The following NRDC variants were observed in gnomAD, a reference collection of about 807,000 sequenced individuals.
The protein encoded by NRDC is nardilysin convertase.
A neutral mutation model predicts 147.1 loss-of-function variants in NRDC; 54 were observed. That is an observed-to-expected ratio of 0.37 (90% CI 0.29 to 0.46). The LOEUF (loss-of-function observed/expected upper bound fraction) is 0.46. Among genes scored for constraint, NRDC ranks in the 20% least tolerant of loss-of-function variants. The probability of loss-of-function intolerance (pLI) is 1.00; values close to 1 mark genes in which losing one functional copy is unlikely to be tolerated. For missense variants in NRDC, 1,082 were observed against 1,370.6 expected, an observed-to-expected ratio of 0.79 and a Z score of 3.33; for synonymous variants, 440 against 482.1, an observed-to-expected ratio of 0.91 and a Z score of 1.14.
intron 13 of NRDC, chr1:51,814,311 T>G (rs747920543): frequency 1.8e-6 from 1 of 567,194 alleles, no homozygotes; most frequent in Non-Finnish European, 3.1e-6. Context: ...TTTAAAAAAT[T>G]CTCAATAGAA....
At chr1:51,791,878 C>T (rs1011016034) in intron 26 of NRDC, among the ~76,000 whole-genome samples, 168 bp downstream of exon 26, 3 of 152,108 alleles carry the variant, frequency 2.0e-5, no homozygotes, top group Non-Finnish European at 2.9e-5. Flanking sequence ...AAACTGAAAA[C>T]CTGATTACAG....
At chr1:51,846,374 A>G (rs1681586896) in intron 1 of NRDC, among the ~76,000 whole-genome samples, 1 of 152,218 alleles carries the variant, frequency 6.6e-6, no homozygotes. Context: ...TCGGTCTCCC[A>G]AAGTGCAGGA....
chr1:51,814,820 G>T lies in NRDC; in HGVS notation c.1440-7C>A. 6.4e-7 allele frequency: 1 copy of T among 1,567,296 alleles called. No individual in the cohort carries two copies. Among genetic ancestry groups the T allele is most frequent in the Non-Finnish European group, 8.6e-7 (1 of 1,162,322 alleles). On this transcript the variant is annotated splice_polypyrimidine_tract_variant and splice_region_variant and intron_variant, in intron 11 of 30. Coordinates refer to ENST00000352171, the MANE Select transcript of NRDC (RefSeq NM_001101662.2). ...CAGTGCAAGAGCCCAGCATCTACAG[G>T]TGGGGAAAAAATTAACCCAATCAAT... is the stretch of plus-strand genomic sequence containing the variant.
intron 20 of NRDC, among the ~76,000 whole-genome samples, chr1:51,802,918 C>G (rs1327900010): frequency 1.3e-5 from 2 of 152,062 alleles, no homozygotes; most frequent in East Asian, 3.8e-4. Flanking sequence ...TATTGCTTTA[C>G]CTGGTATTCA....
At chr1:51,877,793 T>C (rs910232166) in intron 1 of NRDC, among the ~76,000 whole-genome samples, 1 of 152,196 alleles carries the variant, frequency 6.6e-6, no homozygotes, top group African/African-American at 2.4e-5. Flanking sequence ...AGGCCAAATA[T>C]GATGCAAAGT....
At chr1:51,838,810 C>G (rs1681109813) in intron 2 of NRDC, among the ~76,000 whole-genome samples, 1 of 151,976 alleles carries the variant, frequency 6.6e-6, no homozygotes, top group African/African-American at 2.4e-5. Context: ...AAAAGTGAAT[C>G]TATTAATTTC....
chr1:51,791,660 A>G lies in NRDC; in HGVS notation c.2878T>C (p.Tyr960His). ...DFLRTKQTLG[Y>H]HVYPTCRNTS... ...TTCCTACAGGTAGGGTAGACATGGTACCTACAAGCCAGAGAGAAAAGTTAT... is the reference window on the plus strand; with the variant it reads ...TTCCTACAGGTAGGGTAGACATGGTGCCTACAAGCCAGAGAGAAAAGTTAT... Residue 960 changes from tyrosine to histidine, a missense_variant and splice_region_variant, in exon 27 of 31, where the codon TAC becomes CAC. Coordinates refer to ENST00000352171, the MANE Select transcript of NRDC (RefSeq NM_001101662.2). 1 of 1,612,684 alleles carries G rather than the reference A, an allele frequency of 6.2e-7. No homozygotes were observed. The highest frequency in any genetic ancestry group is 8.5e-7 in the Non-Finnish European group (1 of 1,178,698).
intron 22 of NRDC, among the ~76,000 whole-genome samples, chr1:51,797,734 A>G (rs960861807): frequency 6.6e-6 from 1 of 152,124 alleles, no homozygotes; most frequent in Non-Finnish European, 1.5e-5. Context: ...TCAAAATCCT[A>G]GTCTATTACC....
intron 9 of NRDC, among the ~76,000 whole-genome samples, chr1:51,819,298 C>CAA (rs200262192): frequency 4.1e-5 from 4 of 98,018 alleles, no homozygotes; most frequent in African/African-American, 7.7e-5. Context: ...ACTCTGTCTC[C>CAA]AAAAAAAAAA....
rs576266005 is a variant in NRDC at position 51,816,007 on chromosome 1, A to ATAT, written c.1439+304_1439+305insATA. 3.1e-4 allele frequency: 51 copies of ATAT among 162,056 alleles called. No individual in the cohort carries two copies. In the South Asian group the frequency reaches 0.01, roughly 32 times the overall value. 10.0% of individuals were successfully genotyped at this position (162,056 alleles called of 1,614,324 possible). ...TGATTTCTTTACCATTCAGTCAAAT[A>ATAT]TAAATTCTTGATTAGAGCTAATTCT... On this transcript the variant is annotated intron_variant, in intron 11 of 30. Coordinates refer to ENST00000352171, the MANE Select transcript of NRDC (RefSeq NM_001101662.2).
Position 51,878,306 on chromosome 1 carries a change from C to G in NRDC, c.310G>C (p.Val104Leu), listed in dbSNP as rs149170952. The G allele has an allele frequency of 6.2e-7, 1 of 1,613,750 alleles. No homozygotes were observed. The highest frequency in any genetic ancestry group is 1.3e-5 in the African/African-American group (1 of 75,018). The change falls in exon 1 of 31, where the codon GTC (valine) becomes CTC (leucine). Residue 104 changes from valine (V) to leucine (L), a missense_variant. Coordinates refer to ENST00000352171, the MANE Select transcript of NRDC (RefSeq NM_001101662.2). ...SLSNAGDPEI[V>L]KSPSDPKQYR... ...TGCTTGGGGTCGCTGGGAGACTTGA[C>G]GATCTCAGGGTCCCCAGCATTACTG... is the stretch of plus-strand genomic sequence containing the variant.
intron 1 of NRDC, among the ~76,000 whole-genome samples, chr1:51,853,087 G>T (rs1682057534): frequency 6.6e-6 from 1 of 151,946 alleles, no homozygotes; most frequent in African/African-American, 2.4e-5. Context: ...AGCCAGATGT[G>T]GTGGCGTGTG....
intron 5 of NRDC, among the ~76,000 whole-genome samples, chr1:51,825,785 T>C (rs1680416121): frequency 6.6e-6 from 1 of 152,250 alleles, no homozygotes; most frequent in Non-Finnish European, 1.5e-5. Context: ...TAAAGTATGA[T>C]GGCTAAGAAC....
At chr1:51,790,227 A>G (rs933002748) in intron 29 of NRDC, among the ~76,000 whole-genome samples, 2 of 152,230 alleles carry the variant, frequency 1.3e-5, no homozygotes, top group Non-Finnish European at 2.9e-5. Flanking sequence ...AAGAGTCCTC[A>G]ATTTTCTTTA....
chr1:51,850,971 C>T (rs1401160111), intron 1 of NRDC, among the ~76,000 whole-genome samples: 1 of 152,092 alleles, frequency 6.6e-6, no homozygotes, highest in East Asian at 1.9e-4. Context: ...CTCTAAACAC[C>T]GGCAACCAAA....
intron 13 of NRDC, chr1:51,814,321 A>C: frequency 1.7e-6 from 1 of 578,282 alleles, no homozygotes; most frequent in African/African-American, 1.9e-5. Flanking sequence ...TCTCAATAGA[A>C]GCATCAACAA....
intron 1 of NRDC, among the ~76,000 whole-genome samples, chr1:51,851,280 T>A (rs1346499727): frequency 6.6e-6 from 1 of 152,084 alleles, no homozygotes; most frequent in Non-Finnish European, 1.5e-5. Flanking sequence ...CTCTACTTCA[T>A]CAGAATGCAC....
chr1:51,865,310 G>T (rs1043382645), intron 1 of NRDC, among the ~76,000 whole-genome samples: 34 of 143,106 alleles, frequency 2.4e-4, no homozygotes, highest in Admixed American at 4.2e-4. Flanking sequence ...TTTTCGTTTT[G>T]TTTTTTTTTT....
chr1:51,861,230 G>A (rs115067313), intron 1 of NRDC, among the ~76,000 whole-genome samples: 1,970 of 142,548 alleles, frequency 0.014, 16 homozygotes, highest in Admixed American at 0.023. Flanking sequence ...GATTACAGGC[G>A]TGAGCCACTG....
Sources: allele counts gnomAD v4.1 joint callset (sites outside exome capture counted in the v4.1 genomes callset), GRCh38; gene constraint gnomAD v4.1.1; transcripts MANE v1.5; gene names NCBI Gene and HGNC (gene_info 2026-07-23, HGNC 2026-07-21).